The following CLEC2A variants were observed in gnomAD, a reference collection of about 807,000 sequenced individuals.
CLEC2A encodes keratinocyte-associated C-type lectin.
Under a neutral mutation model 18.6 loss-of-function variants are expected in CLEC2A, and 19 were observed. The ratio of observed to expected loss-of-function variants is 1.02; its 90% CI spans 0.71 to 1.50. CLEC2A has a LOEUF of 1.50. CLEC2A is among the 40% of genes most tolerant of loss of function. CLEC2A has a pLI of 0.00. For missense variants in CLEC2A, 190 were observed against 207.9 expected (o/e 0.91, Z 0.53); for synonymous variants, 74 against 64.0 (o/e 1.16, Z -0.75).
chr12:9,916,859 A>T, intron 3 of CLEC2A, 56 bp from the exon 4 acceptor site: 1 of 1,025,486 alleles, frequency 9.8e-7, no homozygotes, highest in Non-Finnish European at 1.5e-6. Context: ...CACATTGCTG[A>T]ACATGCTTCC....
the CLEC2A span, among the ~76,000 whole-genome samples, chr12:9,888,362 C>T: frequency 6.6e-5 from 10 of 151,758 alleles, no homozygotes; most frequent in South Asian, 2.1e-4. Context: ...TGGTGGTGCG[C>T]GCCTGTAGTC....
At chr12:9,900,141 A>G (rs1200229930) in intron 4 of CLEC2A, among the ~76,000 whole-genome samples, 1 of 152,152 alleles carries the variant, frequency 6.6e-6, no homozygotes, top group African/African-American at 2.4e-5. Context: ...ACTTTCCCAC[A>G]AAAGAAACCT....
the CLEC2A span, among the ~76,000 whole-genome samples, chr12:9,884,072 T>C: frequency 6.6e-6 from 1 of 152,156 alleles, no homozygotes; most frequent in Admixed American, 6.5e-5. Flanking sequence ...AATTATATGA[T>C]GTCTGCATAT....
intron 1 of CLEC2A, among the ~76,000 whole-genome samples, chr12:9,928,093 T>G (rs1417339289): frequency 6.6e-6 from 1 of 152,158 alleles, no homozygotes; most frequent in Admixed American, 6.5e-5. Context: ...TTTGTGACCA[T>G]GAGAATTAGT....
downstream of CLEC2A, chr12:9,895,577 C>A (rs965258058): frequency 8.0e-6 from 8 of 996,392 alleles, no homozygotes; most frequent in Non-Finnish European, 1.1e-5. Flanking sequence ...AAAACCTCTG[C>A]AAAACTTTGG....
At chr12:9,879,484 A>G in the CLEC2A span, among the ~76,000 whole-genome samples, 2 of 152,238 alleles carry the variant, frequency 1.3e-5, no homozygotes, top group Non-Finnish European at 2.9e-5. Flanking sequence ...ATACACTGGG[A>G]AAAAGCTGAG....
chr12:9,924,617 A>G (rs1032939382), intron 2 of CLEC2A, among the ~76,000 whole-genome samples: 5 of 152,244 alleles, frequency 3.3e-5, no homozygotes, highest in Admixed American at 2.0e-4. Flanking sequence ...TTTTCACAAA[A>G]TAAACCCATA....
chr12:9,893,446 T>A, the CLEC2A span: 1 of 1,483,284 alleles, frequency 6.7e-7, no homozygotes. Context: ...TACAGAACAG[T>A]TTAAAACCTG....
the CLEC2A span, among the ~76,000 whole-genome samples, chr12:9,879,577 C>A: frequency 6.6e-6 from 1 of 152,306 alleles, no homozygotes; most frequent in Non-Finnish European, 1.5e-5. Context: ...TATGTCAGCT[C>A]TCCTGATCTC....
In CLEC2A at chr12:9,906,402, C is replaced by A. The variant is rs372078825; in HGVS notation, c.411-7426G>T. Reference sequence around the variant, plus strand: ...TTTTTCTGACTTTCAAAGGAAAAGCCTTTTTGCTGTCCTGGAACATGGACA... The same window carrying A: ...TTTTTCTGACTTTCAAAGGAAAAGCATTTTTGCTGTCCTGGAACATGGACA... On this transcript the variant is annotated intron_variant, in intron 4 of 4. Transcript: ENST00000339766. 2.4e-3 allele frequency among the ~76,000 whole-genome samples: 361 copies of A among 152,278 alleles called. 2 individuals are homozygous for A. The highest frequency in any genetic ancestry group is 8.4e-3 in the African/African-American group (349 of 41,550).
chr12:9,881,961 C>T, the CLEC2A span, among the ~76,000 whole-genome samples: 4 of 151,940 alleles, frequency 2.6e-5, no homozygotes, highest in African/African-American at 9.7e-5. Flanking sequence ...ACAGAAACTT[C>T]CTCCTACAAA....
intron 4 of CLEC2A, among the ~76,000 whole-genome samples, chr12:9,904,684 A>G (rs536808011): frequency 6.6e-6 from 1 of 152,204 alleles, no homozygotes; most frequent in Non-Finnish European, 1.5e-5. Context: ...GTCCTGTAAC[A>G]TTTGCTCCTA....
chr12:9,888,893 A>C, the CLEC2A span: 11 of 582,500 alleles, frequency 1.9e-5, no homozygotes, highest in Admixed American at 1.3e-4. Context: ...CTGGTGGAGA[A>C]AGGTATGGGG....
chr12:9,921,588 AAAACAAAC>A (rs974590252), intron 3 of CLEC2A, among the ~76,000 whole-genome samples: 2 of 152,166 alleles, frequency 1.3e-5, no homozygotes, highest in African/African-American at 2.4e-5. Flanking sequence ...CTCTGTCTTA[AAAACAAAC>A]AAACAAACAA....
At chr12:9,914,502 G>A (rs150697047) in intron 4 of CLEC2A, among the ~76,000 whole-genome samples, 223 of 152,236 alleles carry the variant, frequency 1.5e-3, no homozygotes, top group African/African-American at 5.2e-3. Context: ...CATGGTACTG[G>A]TACCAAAACA....
At chr12:9,910,577 T>C (rs1394652269), downstream of CLEC2A, among the ~76,000 whole-genome samples, 1 of 152,228 alleles carries the variant, frequency 6.6e-6, no homozygotes, top group Non-Finnish European at 1.5e-5. Flanking sequence ...CTTCTCCTTT[T>C]GTTTTGTACT....
chr12:9,903,058 C>G (rs1157181985), intron 4 of CLEC2A, among the ~76,000 whole-genome samples: 1 of 152,096 alleles, frequency 6.6e-6, no homozygotes, highest in Non-Finnish European at 1.5e-5. Context: ...AACAGGAGGG[C>G]TGTTTGCAGG....
At position 9,922,241 on chromosome 12, in the gene CLEC2A, AAAAG is replaced by A; in HGVS notation, c.140-13_140-10del. On this transcript the variant is annotated splice_polypyrimidine_tract_variant and intron_variant, in intron 2 of 4. Coordinates refer to ENST00000455827, the MANE Select transcript of CLEC2A (RefSeq NM_001130711.2). ...ATGCTTGGACCATGTGGCTGAAAAA[AAAAG>A]AAAGAAATGATCAGATAAAGCATAT... 2 of 1,510,402 alleles carry A rather than the reference AAAAG, an allele frequency of 1.3e-6. No individual in the cohort carries two copies. The highest frequency in any genetic ancestry group is 1.8e-6 in the Non-Finnish European group (2 of 1,129,280). The allele number at this position is 1,510,402 out of a possible 1,614,324, so 93.6% of individuals were successfully genotyped here. A position where few individuals can be genotyped will look rare whatever the true frequency, so the allele number is the denominator to read the frequency against.
chr12:9,878,096 G>C, the CLEC2A span, among the ~76,000 whole-genome samples: 4 of 149,308 alleles, frequency 2.7e-5, no homozygotes, highest in African/African-American at 7.4e-5. Context: ...TCCAGCCTGG[G>C]TAACAGAACA....
Sources: gnomAD v4.1 joint callset for allele counts (sites outside exome capture counted in the v4.1 genomes callset) on GRCh38, gnomAD v4.1.1 for gene constraint, MANE v1.5 for transcripts, NCBI Gene and HGNC (gene_info 2026-07-23, HGNC 2026-07-21) for gene names.